Variants in NPAS3 observed in about 807,000 individuals in gnomAD.
NPAS3 encodes the protein neuronal PAS domain protein 3.
Under a neutral mutation model 73.1 loss-of-function variants are expected in NPAS3, and 14 were observed. The ratio of observed to expected loss-of-function variants is 0.19; its 90% CI spans 0.13 to 0.30. The LOEUF is 0.30. Ranked by LOEUF, NPAS3 falls within the 10% of genes least tolerant of loss-of-function variation. The probability of loss-of-function intolerance (pLI) is 1.00; values close to 1 mark genes in which losing one functional copy is unlikely to be tolerated. For synonymous variants in NPAS3, 620 were observed against 541.5 expected (o/e 1.14, Z -2.01); for missense variants, 1,096 against 1,250.0 (o/e 0.88, Z 1.86).
chr14:33,005,973 ACTCC>A (rs2038988885), intron 1 of NPAS3, among the ~76,000 whole-genome samples: 1 of 151,842 alleles, frequency 6.6e-6, no homozygotes, highest in African/African-American at 2.4e-5. Context: ...GAAGCATGTA[ACTCC>A]CTCCCCATGA....
At chr14:33,277,982 C>T (rs1009875663) in intron 3 of NPAS3, among the ~76,000 whole-genome samples, 6 of 151,908 alleles carry the variant, frequency 3.9e-5, no homozygotes, top group Admixed American at 6.6e-5. Context: ...TGCAGAGGTT[C>T]GGGTGAGAGA....
intron 2 of NPAS3, among the ~76,000 whole-genome samples, chr14:33,152,981 G>A (rs886976612): frequency 3.3e-5 from 5 of 151,658 alleles, no homozygotes; most frequent in East Asian, 1.9e-4. Context: ...AATATATTTC[G>A]CTTGGCTGTC....
At chr14:33,770,597 T>C (rs896636381) in intron 7 of NPAS3, among the ~76,000 whole-genome samples, 3 of 152,066 alleles carry the variant, frequency 2.0e-5, no homozygotes, top group Non-Finnish European at 2.9e-5. Flanking sequence ...ACCAGGAAAA[T>C]ACCTTTTGTT....
chr14:33,192,545 T>C (rs1278420356), intron 2 of NPAS3, among the ~76,000 whole-genome samples: 3 of 152,156 alleles, frequency 2.0e-5, no homozygotes, highest in African/African-American at 7.2e-5. Context: ...AACCCCTTCT[T>C]CTTATGGAGT....
intron 3 of NPAS3, among the ~76,000 whole-genome samples, chr14:33,292,158 A>C (rs544149102): frequency 6.6e-6 from 1 of 152,346 alleles, no homozygotes; most frequent in African/African-American, 2.4e-5. Context: ...CTTACATTCC[A>C]GGGTGTTTCA....
intron 4 of NPAS3, among the ~76,000 whole-genome samples, chr14:33,415,883 T>C (rs949558810): frequency 6.6e-6 from 1 of 152,092 alleles, no homozygotes; most frequent in African/African-American, 2.4e-5. Flanking sequence ...TCCTTCCAAT[T>C]TTTTTATTTG....
chr14:33,503,788 T>C (rs1333145207), intron 4 of NPAS3, among the ~76,000 whole-genome samples: 6 of 151,976 alleles, frequency 3.9e-5, no homozygotes, highest in African/African-American at 1.4e-4. Context: ...ACCGAATCTT[T>C]TTCCTACATT....
chr14:33,255,912 A>T (rs1403173536), intron 3 of NPAS3, among the ~76,000 whole-genome samples: 1 of 152,234 alleles, frequency 6.6e-6, no homozygotes, highest in African/African-American at 2.4e-5. Flanking sequence ...GTTGTAAAGA[A>T]AAAATGATGA....
At chr14:33,462,976 T>A (rs543590808) in intron 4 of NPAS3, among the ~76,000 whole-genome samples, 2 of 152,374 alleles carry the variant, frequency 1.3e-5, no homozygotes, top group Admixed American at 6.5e-5. Context: ...ATGGTCATTC[T>A]TGTTTTTCTG....
intron 2 of NPAS3, among the ~76,000 whole-genome samples, chr14:33,136,282 A>G (rs1157758230): frequency 6.6e-6 from 1 of 151,976 alleles, no homozygotes; most frequent in Non-Finnish European, 1.5e-5. Flanking sequence ...GCTGGTCTCA[A>G]TCTCCTGACC....
intron 3 of NPAS3, among the ~76,000 whole-genome samples, chr14:33,338,531 A>G (rs1467745097): frequency 6.6e-6 from 1 of 152,202 alleles, no homozygotes; most frequent in African/African-American, 2.4e-5. Flanking sequence ...AATGAAAGGC[A>G]TATTGGCCTG....
chr14:33,627,097 A>G (rs1211901754), intron 5 of NPAS3, among the ~76,000 whole-genome samples: 1 of 152,092 alleles, frequency 6.6e-6, no homozygotes, highest in African/African-American at 2.4e-5. Context: ...GAGGGGATGG[A>G]GAGAAATTAG....
At chr14:33,652,795 C>A (rs1360553150) in intron 5 of NPAS3, among the ~76,000 whole-genome samples, 1 of 152,170 alleles carries the variant, frequency 6.6e-6, no homozygotes, top group Non-Finnish European at 1.5e-5. Flanking sequence ...TCTTATCTAC[C>A]AGGCCACCTT....
intron 2 of NPAS3, among the ~76,000 whole-genome samples, chr14:33,132,574 C>T (rs541985213): frequency 3.3e-5 from 5 of 151,986 alleles, no homozygotes; most frequent in South Asian, 2.1e-4. Context: ...ACTATAAGCA[C>T]GTAGATGGAT....
chr14:32,963,186 C>T (rs1356334327), intron 1 of NPAS3, among the ~76,000 whole-genome samples: 1 of 152,106 alleles, frequency 6.6e-6, no homozygotes, highest in Non-Finnish European at 1.5e-5. Flanking sequence ...GAAGGCAGTT[C>T]TGAATGCAAA....
intron 4 of NPAS3, among the ~76,000 whole-genome samples, chr14:33,450,998 A>G (rs1179240339): frequency 6.6e-6 from 1 of 152,232 alleles, no homozygotes; most frequent in Non-Finnish European, 1.5e-5. Flanking sequence ...GTTTCCTAAC[A>G]AACGCTGAAA....
At chr14:33,341,621 T>G (rs569366519) in intron 3 of NPAS3, among the ~76,000 whole-genome samples, 2 of 152,038 alleles carry the variant, frequency 1.3e-5, no homozygotes, top group Non-Finnish European at 2.9e-5. Context: ...CCTCACAGGC[T>G]TATTGGGTGA....
At chr14:33,684,308 C>G (rs2060026115) in intron 6 of NPAS3, among the ~76,000 whole-genome samples, 1 of 149,882 alleles carries the variant, frequency 6.7e-6, no homozygotes, top group Non-Finnish European at 1.5e-5. Flanking sequence ...CTCATTATTT[C>G]TTTTCTTTTT....
chr14:33,370,704 T>A (rs1252563988), intron 4 of NPAS3, among the ~76,000 whole-genome samples: 1 of 152,094 alleles, frequency 6.6e-6, no homozygotes, highest in Non-Finnish European at 1.5e-5. Context: ...AAAATGAAGA[T>A]CTTTTGCAAG....
Sources: gnomAD v4.1 joint callset for allele counts (sites outside exome capture counted in the v4.1 genomes callset) on GRCh38, gnomAD v4.1.1 for gene constraint, MANE v1.5 for transcripts, NCBI Gene and HGNC (gene_info 2026-07-23, HGNC 2026-07-21) for gene names.